The following RALGPS1 variants were observed in gnomAD, a reference collection of about 807,000 sequenced individuals.
RALGPS1 encodes the protein Ral GEF with PH domain and SH3 binding motif 1, also known as ras-specific guanine nucleotide-releasing factor RalGPS1.
A neutral mutation model predicts 78.8 loss-of-function variants in RALGPS1; 19 were observed. That is an observed-to-expected ratio of 0.24 (90% CI 0.17 to 0.35). The LOEUF (loss-of-function observed/expected upper bound fraction) is 0.35, where lower values mean the gene tolerates loss of function less well. Among genes scored for constraint, RALGPS1 ranks in the 10% least tolerant of loss-of-function variants. The pLI is 1.00. For synonymous variants in RALGPS1, 228 were observed against 256.3 expected (o/e 0.89, Z 1.06); for missense variants, 454 against 688.3 (o/e 0.66, Z 3.81).
At chr9:126,935,454 G>T (rs2036170523) in intron 1 of RALGPS1, among the ~76,000 whole-genome samples, 1 of 152,202 alleles carries the variant, frequency 6.6e-6, no homozygotes, top group African/African-American at 2.4e-5. Context: ...GGTAGGAACA[G>T]CCACAACAAA....
intron 4 of RALGPS1, among the ~76,000 whole-genome samples, chr9:127,014,367 G>A (rs188619909): frequency 6.6e-6 from 1 of 152,302 alleles, no homozygotes; most frequent in East Asian, 1.9e-4. Flanking sequence ...CCAGCCATCT[G>A]TAGCCATCAT....
chr9:126,989,758 C>G (rs1228130049), intron 4 of RALGPS1: 1 of 1,288,858 alleles, frequency 7.8e-7, no homozygotes, highest in Non-Finnish European at 1.0e-6. Flanking sequence ...AGGAGGCATT[C>G]TGCAGATAAA....
At chr9:126,983,308 T>C (rs921618675) in intron 4 of RALGPS1, among the ~76,000 whole-genome samples, 1 of 152,160 alleles carries the variant, frequency 6.6e-6, no homozygotes, top group Admixed American at 6.5e-5. Context: ...TGGGTTTATA[T>C]AGGAAGAGTG....
chr9:127,124,355 CAGG>C (rs2056441420), intron 8 of RALGPS1, among the ~76,000 whole-genome samples: 1 of 152,294 alleles, frequency 6.6e-6, no homozygotes, highest in South Asian at 2.1e-4. Flanking sequence ...TCCCAGCTGA[CAGG>C]AGCATCAGCC....
chr9:127,039,312 G>A (rs1372297040), intron 5 of RALGPS1, among the ~76,000 whole-genome samples: 1 of 152,158 alleles, frequency 6.6e-6, no homozygotes, highest in Non-Finnish European at 1.5e-5. Context: ...AGAAATGAGG[G>A]AATGCTACAG....
At chr9:126,919,439 A>G (rs57505482) in intron 1 of RALGPS1, among the ~76,000 whole-genome samples, 2,843 of 152,328 alleles carry the variant, frequency 0.019, 98 homozygotes, top group African/African-American at 0.065. Context: ...AGAGAAAGGA[A>G]AAGAGATTTG....
rs1487886636 is a variant in RALGPS1, at chr9:127,212,603, A to C, written c.1354-24A>C. On this transcript the variant is annotated intron_variant, in intron 15 of 18. Transcript: ENST00000259351. The surrounding 1 kb of genome is among the most constrained non-coding windows in gnomAD (Gnocchi z 6.0). Reference sequence around the variant, plus strand: ...TACCCCCACGACCCCTGGTGGCATCACTCAGCCTCCCCTTCCTCTGTAGCT... The same window carrying C: ...TACCCCCACGACCCCTGGTGGCATCCCTCAGCCTCCCCTTCCTCTGTAGCT... 6.4e-7 allele frequency: 1 copy of C among 1,553,524 alleles called. No homozygotes were observed. The highest frequency in any genetic ancestry group is 8.8e-7 in the Non-Finnish European group (1 of 1,131,700).
At chr9:126,915,957 A>C (rs1588417894) in intron 1 of RALGPS1, among the ~76,000 whole-genome samples, 1 of 152,192 alleles carries the variant, frequency 6.6e-6, no homozygotes, top group East Asian at 1.9e-4. Flanking sequence ...TGGGGAGAGC[A>C]GGGATGAGAA....
chr9:127,021,367 T>A (rs937140647), intron 4 of RALGPS1, among the ~76,000 whole-genome samples: 4 of 151,908 alleles, frequency 2.6e-5, no homozygotes, highest in Non-Finnish European at 5.9e-5. Flanking sequence ...GCCGGGCATA[T>A]TGGTGCACCT....
intron 3 of RALGPS1, among the ~76,000 whole-genome samples, chr9:126,977,067 G>A (rs571481846): frequency 6.6e-6 from 1 of 152,280 alleles, no homozygotes; most frequent in African/African-American, 2.4e-5. Flanking sequence ...GAAATGTCAT[G>A]GTCATGTAAA....
intron 11 of RALGPS1, chr9:127,184,036 T>A: frequency 6.5e-7 from 1 of 1,548,592 alleles, no homozygotes; most frequent in Non-Finnish European, 8.7e-7. Context: ...TAAGAAATGA[T>A]CAAGGTCAAC....
chr9:127,066,161 C>A (rs558678789), intron 7 of RALGPS1, among the ~76,000 whole-genome samples: 39 of 152,324 alleles, frequency 2.6e-4, no homozygotes, highest in Middle Eastern at 3.4e-3. Flanking sequence ...TGGGCAGTCC[C>A]CCAGCTGAGA....
rs896157876 is a variant in RALGPS1, at chr9:127,219,067, G to A, written c.*298G>A. On this transcript the variant is annotated 3_prime_UTR_variant, in exon 19 of 19. Transcript: ENST00000259351. This position sits in a 1 kb window ranked among gnomAD's most constrained non-coding sequence, Gnocchi z 5.0. ...CTGCATCTGCGACTAGAGAGCACCCGGCCCACGTTGGGTTCTCAGTGCTTT... is the reference window on the plus strand; with the variant it reads ...CTGCATCTGCGACTAGAGAGCACCCAGCCCACGTTGGGTTCTCAGTGCTTT... The A allele has an allele frequency of 3.2e-5, 15 of 473,876 alleles. No homozygotes were observed. The highest frequency in any genetic ancestry group is 7.9e-5 in the African/African-American group (4 of 50,834). 29.4% of individuals were successfully genotyped at this position (473,876 alleles called of 1,614,324 possible).
intron 7 of RALGPS1, among the ~76,000 whole-genome samples, chr9:127,067,584 C>T (rs1451522071): frequency 6.6e-6 from 1 of 152,240 alleles, no homozygotes; most frequent in East Asian, 1.9e-4. Flanking sequence ...CATTTTCCCA[C>T]TCCTCTCCAT....
rs1474250657 is a variant in RALGPS1 at position 127,180,353 on chromosome 9, A to G, written c.910+5571A>G. Among the ~76,000 whole-genome samples, 3 of 152,176 alleles carry G rather than the reference A, an allele frequency of 2.0e-5. No homozygotes were observed. The East Asian group carries it at 5.8e-4, about 29-fold the overall frequency. ...CTTGGCCTCTGGTTTCTGTGCTCGC[A>G]CTGTGAGGACTGCTCTCTGACACAC... On this transcript the variant is annotated intron_variant, in intron 11 of 18. Coordinates refer to ENST00000259351, the MANE Select transcript of RALGPS1 (RefSeq NM_014636.3).
chr9:127,173,793 A>C (rs1348739653), intron 10 of RALGPS1, among the ~76,000 whole-genome samples: 1 of 152,132 alleles, frequency 6.6e-6, no homozygotes, highest in Non-Finnish European at 1.5e-5. Context: ...CGGGCTGGTC[A>C]CTTGAGCTCA....
intron 1 of RALGPS1, among the ~76,000 whole-genome samples, chr9:126,938,860 A>G (rs965494382): frequency 6.6e-6 from 1 of 152,232 alleles, no homozygotes; most frequent in African/African-American, 2.4e-5. Context: ...TGACATTTAA[A>G]TGAGAATGGA....
chr9:127,114,778 C>T (rs1275518084), intron 8 of RALGPS1, among the ~76,000 whole-genome samples: 1 of 152,270 alleles, frequency 6.6e-6, no homozygotes, highest in Admixed American at 6.5e-5. Flanking sequence ...CTGGAACTGC[C>T]AGCTGGCCCC....
chr9:127,047,431 G>T (rs2047900391), intron 5 of RALGPS1, among the ~76,000 whole-genome samples: 1 of 152,200 alleles, frequency 6.6e-6, no homozygotes, highest in Non-Finnish European at 1.5e-5. Context: ...GGGCATGGTG[G>T]CTCATGCCTG....
Sources: allele counts gnomAD v4.1 joint callset (sites outside exome capture counted in the v4.1 genomes callset), GRCh38; gene constraint gnomAD v4.1.1; non-coding constraint Gnocchi (gnomAD v3.1); transcripts MANE v1.5; gene names NCBI Gene and HGNC (gene_info 2026-07-23, HGNC 2026-07-21).